The following TTC28 variants were observed in gnomAD, a reference collection of about 807,000 sequenced individuals.
TTC28 encodes tetratricopeptide repeat domain 28.
TTC28 carries 61 observed loss-of-function variants against 198.0 expected under a neutral mutation model. The observed-to-expected ratio is 0.31, with a 90% CI of 0.25 to 0.38. The LOEUF is 0.38. TTC28 is among the 10% of genes least tolerant of loss of function. TTC28 has a pLI of 1.00. For missense variants in TTC28, 2,678 were observed against 3,164.0 expected, an observed-to-expected ratio of 0.85 and a Z score of 3.69; for synonymous variants, 1,171 against 1,297.8, an observed-to-expected ratio of 0.90 and a Z score of 2.10.
chr22:28,572,957 T>C (rs544893683), intron 2 of TTC28, among the ~76,000 whole-genome samples: 2 of 152,174 alleles, frequency 1.3e-5, no homozygotes, highest in East Asian at 3.9e-4. Context: ...CAGACCAGCC[T>C]GAGCAACACA....
chr22:28,359,129 T>C (rs1055687909), intron 2 of TTC28, among the ~76,000 whole-genome samples: 1 of 152,222 alleles, frequency 6.6e-6, no homozygotes, highest in African/African-American at 2.4e-5. Context: ...TTTGGCATAA[T>C]TTTTAACTAT....
At chr22:28,205,069 T>C (rs2147162872) in intron 5 of TTC28, among the ~76,000 whole-genome samples, 1 of 152,278 alleles carries the variant, frequency 6.6e-6, no homozygotes, top group South Asian at 2.1e-4. Context: ...ATCTCCATCA[T>C]AATGGTCCTT....
chr22:28,472,578 G>GTGTGTC (rs2048111865), intron 2 of TTC28, among the ~76,000 whole-genome samples: 1 of 151,718 alleles, frequency 6.6e-6, no homozygotes, highest in Non-Finnish European at 1.5e-5. Flanking sequence ...GTGTGTGTGT[G>GTGTGTC]TGTGTGTGTG....
chr22:28,661,011 G>T (rs187910899), intron 1 of TTC28, among the ~76,000 whole-genome samples: 1 of 151,916 alleles, frequency 6.6e-6, no homozygotes, highest in East Asian at 1.9e-4. Context: ...AAGGCCAGCC[G>T]CAGTGGCTTA....
chr22:28,296,341 G>T lies in TTC28; in HGVS notation c.803-13C>A. 6.9e-7 allele frequency: 1 copy of T among 1,459,060 alleles called. No individual in the cohort carries two copies. Among genetic ancestry groups the T allele is most frequent in the South Asian group, 1.5e-5 (1 of 67,818 alleles). 90.4% of individuals were successfully genotyped at this position (1,459,060 alleles called of 1,614,324 possible). ...CCTGTCTGGTCACCTGGATTGAATT[G>T]AGAAAAAAAAAAAGAAAAAATTTCT... is the stretch of plus-strand genomic sequence containing the variant. On this transcript the variant is annotated splice_polypyrimidine_tract_variant and intron_variant, in intron 4 of 22. Coordinates refer to ENST00000397906, the MANE Select transcript of TTC28 (RefSeq NM_001145418.2).
intron 3 of TTC28, among the ~76,000 whole-genome samples, chr22:28,303,136 G>A (rs5762552): frequency 0.2 from 29,822 of 152,098 alleles, 3,460 homozygotes; most frequent in East Asian, 0.34. Context: ...AAGGTCCTCA[G>A]CAAGAAGCGG....
intron 5 of TTC28, among the ~76,000 whole-genome samples, chr22:28,252,810 G>C (rs1050805976): frequency 2.6e-5 from 4 of 152,204 alleles, no homozygotes; most frequent in Non-Finnish European, 4.4e-5. Context: ...TGGTTCAGCT[G>C]CTGGTTTTAG....
At chr22:28,215,051 A>G (rs1291825078) in intron 5 of TTC28, among the ~76,000 whole-genome samples, 1 of 152,040 alleles carries the variant, frequency 6.6e-6, no homozygotes, top group African/African-American at 2.4e-5. Context: ...CAAACACCAC[A>G]TGTTCTCACT....
At chr22:28,105,080 G>A (rs1942255720) in intron 8 of TTC28, among the ~76,000 whole-genome samples, 199 bp downstream of exon 8, 2 of 152,140 alleles carry the variant, frequency 1.3e-5, no homozygotes, top group Admixed American at 1.3e-4. Flanking sequence ...TATGGACAAT[G>A]AAACACCTTA....
At chr22:28,401,963 T>C (rs1331859495) in intron 2 of TTC28, among the ~76,000 whole-genome samples, 1 of 152,166 alleles carries the variant, frequency 6.6e-6, no homozygotes, top group Non-Finnish European at 1.5e-5. Flanking sequence ...TTTTCTTAGA[T>C]AAAACCCAAG....
chr22:28,005,136 G>A lies in TTC28; in HGVS notation c.4219-3583C>T, dbSNP rs1937883778. 6.6e-6 allele frequency among the ~76,000 whole-genome samples: 1 copy of A among 152,166 alleles called. No individual in the cohort carries two copies. The highest frequency in any genetic ancestry group is 2.4e-5 in the African/African-American group (1 of 41,434). ...CACTAGAATCTGTCTCTTCCCCAGG[G>A]GTGCCGCCCTGCGCTCTCACCAAGG... On this transcript the variant is annotated intron_variant, in intron 14 of 22. Coordinates refer to ENST00000397906, the MANE Select transcript of TTC28 (RefSeq NM_001145418.2). The surrounding 1 kb of genome is among the most constrained non-coding windows in gnomAD (Gnocchi z 4.9).
intron 2 of TTC28, among the ~76,000 whole-genome samples, chr22:28,591,034 C>CAT (rs2050422125): frequency 8.3e-5 from 4 of 48,066 alleles, no homozygotes; most frequent in African/African-American, 2.1e-4. Flanking sequence ...CACACACACA[C>CAT]ACACACATAT....
intron 1 of TTC28, among the ~76,000 whole-genome samples, chr22:28,647,167 G>T (rs939944617): frequency 6.6e-6 from 1 of 152,264 alleles, no homozygotes; most frequent in East Asian, 1.9e-4. Context: ...GTGCTGGGAA[G>T]ACTGAATAGC....
intron 2 of TTC28, among the ~76,000 whole-genome samples, chr22:28,309,062 C>T (rs927306626): frequency 6.6e-5 from 10 of 152,092 alleles, no homozygotes; most frequent in Admixed American, 2.6e-4. Flanking sequence ...GGAGTTCAAG[C>T]TGATGATAAA....
At chr22:28,018,277 GTA>G (rs1555903299) in intron 13 of TTC28, among the ~76,000 whole-genome samples, 85 of 126,004 alleles carry the variant, frequency 6.7e-4, no homozygotes, top group African/African-American at 2.0e-3. Flanking sequence ...GTGTGTGTGT[GTA>G]TGTGTGTGCG....
chr22:28,516,145 CAAA>C (rs771403698), intron 2 of TTC28, among the ~76,000 whole-genome samples: 1 of 99,760 alleles, frequency 1.0e-5, no homozygotes. Context: ...AACTCCATCT[CAAA>C]AAAAAAAAAA....
intron 5 of TTC28, among the ~76,000 whole-genome samples, chr22:28,179,182 A>G (rs1423832328): frequency 6.8e-6 from 1 of 147,824 alleles, no homozygotes; most frequent in African/African-American, 2.5e-5. Flanking sequence ...TTTTTTTGAC[A>G]GAGTCTTGCT....
At chr22:28,533,720 C>A (rs2049199032) in intron 2 of TTC28, among the ~76,000 whole-genome samples, 2 of 152,130 alleles carry the variant, frequency 1.3e-5, no homozygotes, top group Non-Finnish European at 2.9e-5. Context: ...AGATATAGAT[C>A]AATGGAACAA....
chr22:28,475,535 C>T (rs1251994334), intron 2 of TTC28, among the ~76,000 whole-genome samples: 1 of 152,114 alleles, frequency 6.6e-6, no homozygotes, highest in Non-Finnish European at 1.5e-5. Context: ...TTGGAGCAAA[C>T]GATGTTACTC....
Sources: gnomAD v4.1 joint callset for allele counts (sites outside exome capture counted in the v4.1 genomes callset) on GRCh38, gnomAD v4.1.1 for gene constraint, Gnocchi (gnomAD v3.1) non-coding constraint, MANE v1.5 for transcripts, NCBI Gene and HGNC (gene_info 2026-07-23, HGNC 2026-07-21) for gene names.